Variants in MUC13 observed in about 807,000 individuals in gnomAD.
MUC13 encodes mucin-13.
A neutral mutation model predicts 48.3 loss-of-function variants in MUC13; 32 were observed. The ratio of observed to expected loss-of-function variants is 0.66; its 90% CI spans 0.50 to 0.89. The LOEUF is 0.89. Among genes scored for constraint, MUC13 ranks in the 40% least tolerant of loss-of-function variants. The pLI is 0.00. For missense variants in MUC13, 571 were observed against 622.8 expected (o/e 0.92, Z 0.88); for synonymous variants, 199 against 224.9 (o/e 0.88, Z 1.03).
In MUC13 at chr3:124,908,339, G is replaced by A; in HGVS notation, c.1347C>T (p.Asn449=). 1 of 1,613,976 alleles carries A rather than the reference G, an allele frequency of 6.2e-7. No individual in the cohort carries two copies. The change falls in exon 11 of 12, where the codon AAC becomes AAT. Residue 449 remains asparagine (N), a synonymous_variant. Transcript: ENST00000616727. The stretch of plus-strand genomic sequence containing the variant: ...TCTCTTCTTCAATATGCTTCGTTTT[G>A]TTATTTGATCTGTAATCAGTAAGAG... The part of the protein sequence containing the change: ...IALIVTARSN[N]KTKHIEEENL...
chr3:124,928,056 T>A, intron 1 of MUC13, 63 bp from the exon 2 acceptor site: 1 of 1,161,510 alleles, frequency 8.6e-7, no homozygotes, highest in Non-Finnish European at 1.2e-6. Flanking sequence ...GGCAGTTACT[T>A]AATACTAAAT....
At chr3:124,913,316 C>T in intron 7 of MUC13, 76 bp from the exon 8 acceptor site, 1 of 1,554,996 alleles carries the variant, frequency 6.4e-7, no homozygotes, top group Non-Finnish European at 8.7e-7. Flanking sequence ...GACAACATGA[C>T]AGTGTCTTTC....
At chr3:124,919,644 C>A (rs1452085218) in intron 5 of MUC13, among the ~76,000 whole-genome samples, 1 of 152,158 alleles carries the variant, frequency 6.6e-6, no homozygotes, top group Non-Finnish European at 1.5e-5. Flanking sequence ...TATTAATGTG[C>A]TCCAGAGGAG....
At chr3:124,934,379 C>A (rs1935848838) in intron 1 of MUC13, among the ~76,000 whole-genome samples, 1 of 152,144 alleles carries the variant, frequency 6.6e-6, no homozygotes, top group Non-Finnish European at 1.5e-5. Context: ...AGGGTGGTTT[C>A]AAACTCCTGA....
At chr3:124,913,749 T>C in intron 6 of MUC13, 68 bp from the exon 7 acceptor site, 1 of 1,582,704 alleles carries the variant, frequency 6.3e-7, no homozygotes, top group Non-Finnish European at 8.7e-7. Context: ...TTGTGAAAAT[T>C]ACCCCACCCC....
intron 8 of MUC13, among the ~76,000 whole-genome samples, chr3:124,912,801 T>C (rs1935444677): frequency 6.6e-6 from 1 of 151,816 alleles, no homozygotes; most frequent in Non-Finnish European, 1.5e-5. Context: ...CTGGACAGGG[T>C]GGCAGGCACC....
intron 5 of MUC13, among the ~76,000 whole-genome samples, chr3:124,918,088 G>A (rs989834154): frequency 4.6e-5 from 7 of 152,156 alleles, no homozygotes; most frequent in Non-Finnish European, 8.8e-5. Context: ...CTCCAGGCCC[G>A]AGTTTCTTCC....
intron 5 of MUC13, among the ~76,000 whole-genome samples, chr3:124,917,821 T>C (rs1489325739): frequency 6.6e-6 from 1 of 152,170 alleles, no homozygotes; most frequent in Non-Finnish European, 1.5e-5. Flanking sequence ...GTGTACTTGA[T>C]AAAAATTATT....
chr3:124,929,687 T>C (rs1935759585), intron 1 of MUC13, among the ~76,000 whole-genome samples: 1 of 151,730 alleles, frequency 6.6e-6, no homozygotes, highest in Non-Finnish European at 1.5e-5. Flanking sequence ...TATCAAGCAC[T>C]GGCCCTGTGC....
rs1388328434 is a variant in MUC13 at position 124,916,611 on chromosome 3, C to T, written c.801-131G>A. 25 of 906,070 alleles carry T rather than the reference C, an allele frequency of 2.8e-5. No homozygotes were observed. The South Asian group carries it at 3.3e-4, about 12-fold the overall frequency. 56.1% of individuals were successfully genotyped at this position (906,070 alleles called of 1,614,324 possible). On this transcript the variant is annotated intron_variant, in intron 5 of 11. Coordinates refer to ENST00000616727, the MANE Select transcript of MUC13 (RefSeq NM_033049.4). ...GTCCTGTCCCTATGATTCGGACCCA[C>T]ATATGGAGGCCGGGGGCTGCAAAAA...
At chr3:124,917,352 A>ATTT (rs55997120) in intron 5 of MUC13, among the ~76,000 whole-genome samples, 1 of 144,762 alleles carries the variant, frequency 6.9e-6, no homozygotes, top group African/African-American at 2.6e-5. Context: ...CCTTTTTGAC[A>ATTT]TTTTTTTTTT....
At chr3:124,931,780 C>T (rs899131691) in intron 1 of MUC13, among the ~76,000 whole-genome samples, 2 of 150,396 alleles carry the variant, frequency 1.3e-5, no homozygotes, top group African/African-American at 2.5e-5. Flanking sequence ...CGCGGTGGCT[C>T]ACGCCTGTAA....
intron 2 of MUC13, among the ~76,000 whole-genome samples, chr3:124,924,953 G>C (rs1935663254): frequency 6.6e-6 from 1 of 152,188 alleles, no homozygotes; most frequent in African/African-American, 2.4e-5. Flanking sequence ...ACTCTTACGA[G>C]AAGATCTGAG....
chr3:124,929,054 C>A (rs1407231461), intron 1 of MUC13, among the ~76,000 whole-genome samples: 1 of 152,162 alleles, frequency 6.6e-6, no homozygotes, highest in African/African-American at 2.4e-5. Flanking sequence ...AATAAGTGAT[C>A]TTTGCCCTCT....
intron 2 of MUC13, among the ~76,000 whole-genome samples, chr3:124,926,419 C>T (rs1935687983): frequency 6.6e-6 from 1 of 152,248 alleles, no homozygotes; most frequent in Non-Finnish European, 1.5e-5. Flanking sequence ...CCTCTCTTTC[C>T]TGATCCCAGG....
intron 6 of MUC13, among the ~76,000 whole-genome samples, chr3:124,915,186 C>G (rs1935490402): frequency 6.6e-6 from 1 of 152,194 alleles, no homozygotes; most frequent in Admixed American, 6.5e-5. Flanking sequence ...GGGACTGGCC[C>G]CAGTGGGTCA....
intron 11 of MUC13, among the ~76,000 whole-genome samples, chr3:124,907,638 T>C (rs1161263772): frequency 8.1e-6 from 1 of 123,378 alleles, no homozygotes; most frequent in Admixed American, 9.3e-5. Context: ...CAACAACAAA[T>C]AGAACTTATA....
chr3:124,924,256 C>T (rs1472056233), intron 2 of MUC13, among the ~76,000 whole-genome samples: 1 of 152,196 alleles, frequency 6.6e-6, no homozygotes, highest in African/African-American at 2.4e-5. Flanking sequence ...AGTGGATCAT[C>T]TGAATAAATG....
rs1465066685 is a variant in MUC13, at chr3:124,906,079, GCAT to G, written c.*661_*663del. 1 of 152,586 alleles carries G rather than the reference GCAT, an allele frequency of 6.6e-6. No homozygotes were observed. The highest frequency in any genetic ancestry group is 2.4e-5 in the African/African-American group (1 of 41,444). 9.5% of individuals were successfully genotyped at this position (152,586 alleles called of 1,614,324 possible). On this transcript the variant is annotated 3_prime_UTR_variant, in exon 12 of 12. Transcript: ENST00000616727. ...ATTTTTAGTCCAGGCCTTCTAATTA[GCAT>G]CAAAAAGTTCCTGGATTCCCAGGCA...
Sources: allele counts gnomAD v4.1 joint callset (sites outside exome capture counted in the v4.1 genomes callset), GRCh38; gene constraint gnomAD v4.1.1; transcripts MANE v1.5; gene names NCBI Gene and HGNC (gene_info 2026-07-23, HGNC 2026-07-21).